The following ZNF541 variants were observed in gnomAD, a reference collection of about 807,000 sequenced individuals.
ZNF541 encodes the protein zinc finger protein 541.
ZNF541 carries 23 observed loss-of-function variants against 123.5 expected under a neutral mutation model. The ratio of observed to expected loss-of-function variants is 0.19; its 90% confidence interval spans 0.13 to 0.26. The LOEUF (loss-of-function observed/expected upper bound fraction) is 0.26. Among genes scored for constraint, ZNF541 ranks in the 10% least tolerant of loss-of-function variants. The pLI, the probability that ZNF541 is intolerant of heterozygous loss-of-function variation, is 1.00. For synonymous variants in ZNF541, 751 were observed against 754.5 expected, an observed-to-expected ratio of 1.00 and a Z score of 0.08; for missense variants, 1,612 against 1,789.9, an observed-to-expected ratio of 0.90 and a Z score of 1.79.
At chr19:47,532,331 A>C in intron 10 of ZNF541, 61 bp from the exon 11 acceptor site, 1 of 1,531,698 alleles carries the variant, frequency 6.5e-7, no homozygotes, top group Non-Finnish European at 8.8e-7. Flanking sequence ...TGGGAAGTGA[A>C]ATGGAGACGC....
chr19:47,534,465 A>T (rs921350695), intron 9 of ZNF541, among the ~76,000 whole-genome samples: 3 of 152,168 alleles, frequency 2.0e-5, no homozygotes, highest in African/African-American at 7.2e-5. Context: ...AGCCTGGCTA[A>T]CATAACAAAA....
At chr19:47,541,552 G>A (rs1442619830) in intron 5 of ZNF541, among the ~76,000 whole-genome samples, 1 of 152,134 alleles carries the variant, frequency 6.6e-6, no homozygotes, top group African/African-American at 2.4e-5. Context: ...AGAATATATA[G>A]AGAACTCAAA....
At chr19:47,533,002 A>G (rs1486796183) in intron 9 of ZNF541, 30 bp from the exon 10 acceptor site, 1 of 1,540,566 alleles carries the variant, frequency 6.5e-7, no homozygotes, top group Admixed American at 2.0e-5. Flanking sequence ...AAGGCTCAAG[A>G]AGACAGACAG....
Position 47,522,094 on chromosome 19 carries a change from A to G in ZNF541, c.3571-100T>C, listed in dbSNP as rs184736685. On this transcript the variant is annotated intron_variant, in intron 14 of 16. Coordinates refer to ENST00000391901, the MANE Select transcript of ZNF541 (RefSeq NM_001277075.3). ...CGCCTCCTTTGGAAAGCCCTCCGGA[A>G]GCACCTCTTCCTTTGGCTTGGCGTT... The G allele has an allele frequency of 5.5e-6, 8 of 1,453,110 alleles. No homozygotes were observed. In the Admixed American group the frequency reaches 1.6e-4, roughly 29 times the overall value. The allele number at this position is 1,453,110 out of a possible 1,614,324, so 90.0% of individuals were successfully genotyped here. A position where few individuals can be genotyped will look rare whatever the true frequency, so the allele number is the denominator to read the frequency against.
chr19:47,550,283 AAGGAAGGAAGG>A (rs979760018), intron 3 of ZNF541, among the ~76,000 whole-genome samples: 4 of 150,290 alleles, frequency 2.7e-5, no homozygotes, highest in African/African-American at 7.3e-5. Flanking sequence ...GAAAGACAGG[AAGGAAGGAAGG>A]AGGAAGGAAG....
chr19:47,572,931 G>A (rs1747070833), intron 1 of ZNF541, among the ~76,000 whole-genome samples, 152 bp downstream of exon 1: 1 of 151,936 alleles, frequency 6.6e-6, no homozygotes, highest in Admixed American at 6.5e-5. Context: ...CGCCTGCTGC[G>A]CCCCTCGAAA....
chr19:47,545,187 C>A lies in ZNF541; in HGVS notation c.1342G>T (p.Gly448Cys). 2 of 1,514,600 alleles carry A rather than the reference C, an allele frequency of 1.3e-6. No homozygotes were observed. The highest frequency in any genetic ancestry group is 1.8e-6 in the Non-Finnish European group (2 of 1,129,486). The allele number at this position is 1,514,600 out of a possible 1,614,324, so 93.8% of individuals were successfully genotyped here. The change falls in exon 5 of 17, where the codon GGC (glycine) becomes TGC (cysteine). Residue 448 changes from glycine to cysteine, a missense_variant. By Grantham distance (159) the Gly-to-Cys change is radical. Coordinates refer to ENST00000391901, the MANE Select transcript of ZNF541 (RefSeq NM_001277075.3). The surrounding 1 kb of genome is among the most constrained non-coding windows in gnomAD (Gnocchi z 7.5). ...GGGCTTCCGCTGCTGGGTCCCGGGC[C>A]AGACTCGGAGCCCTCCCGCGAGGGC... ...AVPSREGSES[G>C]PGPSSGSPSE...
At chr19:47,542,303 T>A (rs538150660) in intron 5 of ZNF541, among the ~76,000 whole-genome samples, 1 of 151,760 alleles carries the variant, frequency 6.6e-6, no homozygotes, top group Non-Finnish European at 1.5e-5. Flanking sequence ...TGGCAAAGAG[T>A]GGGGATGGTT....
Position 47,545,949 on chromosome 19 carries a change from T to C in ZNF541, c.580A>G (p.Lys194Glu). ...TGHMLTHQKT[K>E]PFVCIEQGCS... is the part of the protein sequence containing the mutation. The stretch of plus-strand genomic sequence containing the variant: ...CCCTGCTCGATGCACACGAAGGGCT[T>C]TGTCTTCTGGTGGGTGAGCATGTGC... The change falls in exon 5 of 17, where the codon AAG (lysine) becomes GAG (glutamate). Residue 194 changes from lysine to glutamate, a missense_variant. Lys to Glu is a moderately conservative substitution (Grantham distance 56, BLOSUM62 1). Transcript: ENST00000391901. The surrounding 1 kb of genome is among the most constrained non-coding windows in gnomAD (Gnocchi z 7.5). 1 of 1,501,888 alleles carries C rather than the reference T, an allele frequency of 6.7e-7. No individual in the cohort carries two copies. Among genetic ancestry groups the C allele is most frequent in the Non-Finnish European group, 8.9e-7 (1 of 1,118,848 alleles). The allele number at this position is 1,501,888 out of a possible 1,614,324, so 93.0% of individuals were successfully genotyped here. A position where few individuals can be genotyped will look rare whatever the true frequency, so the allele number is the denominator to read the frequency against.
chr19:47,546,409 T>C (rs1246771601), intron 4 of ZNF541, among the ~76,000 whole-genome samples: 1 of 151,892 alleles, frequency 6.6e-6, no homozygotes, highest in Non-Finnish European at 1.5e-5. Context: ...CTGGGGAAGC[T>C]GAGGCAAGAG....
intron 9 of ZNF541, among the ~76,000 whole-genome samples, chr19:47,533,802 C>G (rs1204297146): frequency 6.6e-6 from 1 of 152,064 alleles, no homozygotes; most frequent in Non-Finnish European, 1.5e-5. Context: ...CCACTGTGCT[C>G]CAGCCTGGGC....
At chr19:47,557,010 G>C (rs1970851746) in intron 2 of ZNF541, among the ~76,000 whole-genome samples, 1 of 152,040 alleles carries the variant, frequency 6.6e-6, no homozygotes, top group Admixed American at 6.6e-5. Flanking sequence ...CACCTGCCTT[G>C]GCCTCCCAAA....
chr19:47,568,998 G>A lies in ZNF541; in HGVS notation c.-99+2898C>T, dbSNP rs952930715. 3.5e-4 allele frequency among the ~76,000 whole-genome samples: 53 copies of A among 152,114 alleles called. 1 individual carries two copies. Among genetic ancestry groups the A allele is most frequent in the African/African-American group, 1.2e-3 (51 of 41,506 alleles). On this transcript the variant is annotated intron_variant, in intron 2 of 16. Transcript: ENST00000391901. ...ACTCCAAATATTATTGTAAACTATA[G>A]ACCCATTTTGTTTGGCCTACACAGT...
At chr19:47,565,422 T>C (rs1971224318) in intron 2 of ZNF541, among the ~76,000 whole-genome samples, 1 of 152,174 alleles carries the variant, frequency 6.6e-6, no homozygotes, top group African/African-American at 2.4e-5. Context: ...GTGTTTATGA[T>C]TGCACTCATG....
rs1970299133 is a variant in ZNF541, at chr19:47,545,419, T to C, written c.1110A>G (p.Pro370=). 6.7e-7 allele frequency: 1 copy of C among 1,489,346 alleles called. No homozygotes were observed. Among genetic ancestry groups the C allele is most frequent in the Non-Finnish European group, 9.0e-7 (1 of 1,116,978 alleles). The allele number at this position is 1,489,346 out of a possible 1,614,324, so 92.3% of individuals were successfully genotyped here. A position where few individuals can be genotyped will look rare whatever the true frequency, so the allele number is the denominator to read the frequency against. Residue 370 remains proline, a synonymous_variant, in exon 5 of 17, where the codon CCA becomes CCG. Coordinates refer to ENST00000391901, the MANE Select transcript of ZNF541 (RefSeq NM_001277075.3). The surrounding 1 kb of genome is among the most constrained non-coding windows in gnomAD (Gnocchi z 7.5). ...NGAPDPPEPE[P]DTALLQARST... ...ACCGGGCCTGGAGCAGCGCGGTATC[T>C]GGCTCCGGCTCTGGCGGGTCGGGGG...
chr19:47,549,155 G>C (rs1970492182), intron 4 of ZNF541, 90 bp downstream of exon 4: 21 of 1,515,942 alleles, frequency 1.4e-5, no homozygotes, highest in Non-Finnish European at 1.8e-5. Context: ...GAGACAGCAG[G>C]TTGATCTGGG....
chr19:47,566,048 G>T (rs1269803760), intron 2 of ZNF541, among the ~76,000 whole-genome samples: 1 of 151,994 alleles, frequency 6.6e-6, no homozygotes, highest in Non-Finnish European at 1.5e-5. Context: ...ATGGTGGTGG[G>T]TGCCTGTAAC....
intron 5 of ZNF541, among the ~76,000 whole-genome samples, chr19:47,541,183 C>T (rs1400191004): frequency 2.6e-5 from 4 of 152,006 alleles, no homozygotes; most frequent in Non-Finnish European, 5.9e-5. Context: ...TTTGGGAGGC[C>T]GAGGTGGGAG....
chr19:47,564,579 A>G (rs1285507523), intron 2 of ZNF541, among the ~76,000 whole-genome samples: 2 of 152,222 alleles, frequency 1.3e-5, no homozygotes, highest in East Asian at 1.9e-4. Context: ...ACTAACGATC[A>G]GGGAAATGCA....
Sources: gnomAD v4.1 joint callset for allele counts (sites outside exome capture counted in the v4.1 genomes callset) on GRCh38, gnomAD v4.1.1 for gene constraint, Gnocchi (gnomAD v3.1) non-coding constraint, MANE v1.5 for transcripts, NCBI Gene and HGNC (gene_info 2026-07-23, HGNC 2026-07-21) for gene names.